Variants in SIPA1L1 observed in about 807,000 individuals in gnomAD.
SIPA1L1 encodes signal-induced proliferation-associated 1-like protein 1.
In SIPA1L1, 26 loss-of-function variants were observed where a neutral mutation model predicts 162.7. The observed-to-expected ratio is 0.16, with a 90% CI of 0.12 to 0.22. The LOEUF is 0.22. Among genes scored for constraint, SIPA1L1 ranks in the 10% least tolerant of loss-of-function variants. The pLI is 1.00. For missense variants in SIPA1L1, 1,874 were observed against 2,241.0 expected, an observed-to-expected ratio of 0.84 and a Z score of 3.31; for synonymous variants, 829 against 837.4, an observed-to-expected ratio of 0.99 and a Z score of 0.17.
chr14:71,736,582 G>A (rs139369789), intron 22 of SIPA1L1, among the ~76,000 whole-genome samples: 57 of 152,200 alleles, frequency 3.7e-4, no homozygotes, highest in African/African-American at 1.3e-3. Context: ...ACAAGAATAG[G>A]GGATCATTTG....
intron 17 of SIPA1L1, among the ~76,000 whole-genome samples, chr14:71,720,559 T>TA (rs534355780): frequency 0.034 from 5,020 of 148,278 alleles, 115 homozygotes; most frequent in African/African-American, 0.064. Flanking sequence ...GGAGACTGTC[T>TA]AAAAAAAAAA....
Position 71,627,131 on chromosome 14 carries a change from C to CTTTTTTTTTTT in SIPA1L1, c.1818+2928_1818+2938dup, listed in dbSNP as rs71105788. On this transcript the variant is annotated intron_variant, in intron 7 of 23. Transcript: ENST00000381232. Reference sequence around the variant, plus strand: ...TGATGCCTTTCTGGGACTTTCACTACTTTTTTTTTTTTTTTTTTTTTTTTT... The same window carrying CTTTTTTTTTTT: ...TGATGCCTTTCTGGGACTTTCACTACTTTTTTTTTTTTTTTTTTTTTTTTTTTTTTTTTTTT... 5.3e-4 allele frequency among the ~76,000 whole-genome samples: 26 copies of CTTTTTTTTTTT among 48,788 alleles called. 1 individual carries two copies. Among genetic ancestry groups the CTTTTTTTTTTT allele is most frequent in the African/African-American group, 6.6e-4 (8 of 12,126 alleles). The allele number at this position is 48,788 out of a possible 152,430, so 32.0% of individuals were successfully genotyped here.
chr14:71,405,727 A>T (rs2041985374), intron 2 of SIPA1L1, among the ~76,000 whole-genome samples: 1 of 152,170 alleles, frequency 6.6e-6, no homozygotes, highest in South Asian at 2.1e-4. Context: ...GCACCAAAAA[A>T]TACTGATACT....
At chr14:71,445,525 C>A (rs774273792) in intron 2 of SIPA1L1, among the ~76,000 whole-genome samples, 107 of 151,962 alleles carry the variant, frequency 7.0e-4, no homozygotes, top group Non-Finnish European at 1.1e-3. Flanking sequence ...TTTAGATGTG[C>A]ATGGGAAGAG....
At chr14:71,565,149 G>A (rs921186499) in intron 4 of SIPA1L1, among the ~76,000 whole-genome samples, 7 of 152,148 alleles carry the variant, frequency 4.6e-5, no homozygotes, top group Admixed American at 1.3e-4. Context: ...TTATCCTAGT[G>A]TCTTGTTTTT....
chr14:71,686,612 C>T (rs752431161), intron 13 of SIPA1L1, among the ~76,000 whole-genome samples: 6 of 152,014 alleles, frequency 3.9e-5, no homozygotes, highest in Admixed American at 1.3e-4. Flanking sequence ...GGTGCTATCT[C>T]GGCTCACTGC....
intron 2 of SIPA1L1, among the ~76,000 whole-genome samples, chr14:71,337,311 G>A (rs2035197786): frequency 1.3e-5 from 2 of 152,154 alleles, no homozygotes; most frequent in African/African-American, 4.8e-5. Flanking sequence ...GAGGCCAGGT[G>A]CGGTGGTTCA....
chr14:71,498,672 G>A (rs993219315), intron 2 of SIPA1L1, among the ~76,000 whole-genome samples: 1 of 152,116 alleles, frequency 6.6e-6, no homozygotes, highest in Non-Finnish European at 1.5e-5. Context: ...AGAATTATAT[G>A]GATGCTGTTG....
At position 71,458,697 on chromosome 14, in the gene SIPA1L1, A is replaced by G. The variant is rs1462243158; in HGVS notation, c.-464-54046A>G. ...TATGCTATCAGCTTTTACTTCTGCCAGAGTCACCCCTTATTCTTAGTATTT... is the reference window on the plus strand; with the variant it reads ...TATGCTATCAGCTTTTACTTCTGCCGGAGTCACCCCTTATTCTTAGTATTT... On this transcript the variant is annotated intron_variant, in intron 2 of 23. Coordinates refer to ENST00000381232, the MANE Select transcript of SIPA1L1 (RefSeq NM_001386936.1). Among the ~76,000 whole-genome samples the G allele has an allele frequency of 2.0e-5, 3 of 152,304 alleles. No individual in the cohort carries two copies. The East Asian group carries it at 5.8e-4, about 29-fold the overall frequency.
At chr14:71,430,411 A>T (rs1371693865) in intron 2 of SIPA1L1, among the ~76,000 whole-genome samples, 2 of 152,314 alleles carry the variant, frequency 1.3e-5, no homozygotes, top group South Asian at 2.1e-4. Context: ...CTTTCTCCAC[A>T]ATAGTTACGT....
chr14:71,451,580 A>G (rs183921732), intron 2 of SIPA1L1, among the ~76,000 whole-genome samples: 213 of 147,966 alleles, frequency 1.4e-3, no homozygotes, highest in African/African-American at 5.0e-3. Flanking sequence ...GGCTGCAGTG[A>G]GCTGTGATTG....
intron 2 of SIPA1L1, among the ~76,000 whole-genome samples, chr14:71,356,567 C>CAAAAAAAAAAGAAAAAAA (rs2037269753): frequency 2.6e-5 from 1 of 39,172 alleles, no homozygotes; most frequent in Non-Finnish European, 4.3e-5. Flanking sequence ...CTTGTCTCTA[C>CAAAAAAAAAAGAAAAAAA]AAAAAAAAAA....
intron 2 of SIPA1L1, among the ~76,000 whole-genome samples, chr14:71,413,715 C>T (rs938997299): frequency 3.3e-5 from 5 of 151,798 alleles, no homozygotes; most frequent in African/African-American, 4.8e-5. Context: ...CCAGCCTGGG[C>T]GACAAGAGCA....
At chr14:71,328,517 C>G (rs890028240) in intron 2 of SIPA1L1, among the ~76,000 whole-genome samples, 22 of 152,268 alleles carry the variant, frequency 1.4e-4, no homozygotes, top group Admixed American at 1.4e-3. Flanking sequence ...ATTTTTAGAT[C>G]TATGCTTGAC....
At position 71,704,184 on chromosome 14, in the gene SIPA1L1, C is replaced by A. The variant is rs564330793; in HGVS notation, c.3647-1038C>A. On this transcript the variant is annotated intron_variant, in intron 15 of 23. Coordinates refer to ENST00000381232, the MANE Select transcript of SIPA1L1 (RefSeq NM_001386936.1). ...AAATAACCAAGCCTTTCCTAACTGG[C>A]ACATCAGAAGGAATCAGAAGGCTTA... Among the ~76,000 whole-genome samples the A allele has an allele frequency of 2.2e-4, 33 of 152,230 alleles. 1 individual carries two copies. Among genetic ancestry groups the A allele is most frequent in the Middle Eastern group, 6.8e-3 (2 of 294 alleles).
At chr14:71,724,878 C>T (rs767490288) in intron 19 of SIPA1L1, 43 bp downstream of exon 19, 2 of 1,553,642 alleles carry the variant, frequency 1.3e-6, no homozygotes, top group South Asian at 2.3e-5. Flanking sequence ...AGAAACAAGC[C>T]AGACATGATG....
chr14:71,678,816 G>T (rs1394426287), intron 12 of SIPA1L1, among the ~76,000 whole-genome samples: 1 of 151,868 alleles, frequency 6.6e-6, no homozygotes, highest in African/African-American at 2.4e-5. Context: ...CAATTTCAGA[G>T]CCTGTTATTG....
chr14:71,709,621 G>A lies in SIPA1L1; in HGVS notation c.4165G>A (p.Glu1389Lys). The A allele has an allele frequency of 6.2e-7, 1 of 1,614,132 alleles. No individual in the cohort carries two copies. The highest frequency in any genetic ancestry group is 1.1e-5 in the South Asian group (1 of 91,068). Residue 1389 changes from glutamate (E) to lysine (K), a missense_variant, in exon 17 of 24, where the codon GAG becomes AAG. Physicochemically the swap from Glu to Lys is moderately conservative, Grantham distance 56. Coordinates refer to ENST00000381232, the MANE Select transcript of SIPA1L1 (RefSeq NM_001386936.1). ...AGCCGGCTCGACCCCTCTGACAAGG[G>A]AGAACAGCACCTTCAGTATAAACGA... Reference protein sequence around the residue: ...SQAGSTPLTRENSTFSINDAA... With the variant: ...SQAGSTPLTRKNSTFSINDAA...
At chr14:71,706,732 C>G (rs1442460118) in intron 16 of SIPA1L1, among the ~76,000 whole-genome samples, 2 of 152,140 alleles carry the variant, frequency 1.3e-5, no homozygotes, top group Non-Finnish European at 2.9e-5. Flanking sequence ...AGAGATGTTT[C>G]ACTTTGAGGT....
Sources: gnomAD v4.1 joint callset for allele counts (sites outside exome capture counted in the v4.1 genomes callset) on GRCh38, gnomAD v4.1.1 for gene constraint, MANE v1.5 for transcripts, NCBI Gene and HGNC (gene_info 2026-07-23, HGNC 2026-07-21) for gene names.